The following CTNNA2 variants were observed in gnomAD, a reference collection of about 807,000 sequenced individuals.
CTNNA2 encodes the protein catenin alpha-2.
Under a neutral mutation model 101.0 loss-of-function variants are expected in CTNNA2, and 42 were observed. The ratio of observed to expected loss-of-function variants is 0.42; its 90% CI spans 0.32 to 0.54. CTNNA2 has a LOEUF of 0.54. Ranked by LOEUF, CTNNA2 falls within the 20% of genes least tolerant of loss-of-function variation. The pLI, the probability that CTNNA2 is intolerant of heterozygous loss-of-function variation, is 0.14. For missense variants in CTNNA2, 871 were observed against 1,223.1 expected (o/e 0.71, Z 4.29); for synonymous variants, 450 against 456.4 (o/e 0.99, Z 0.18).
chr2:80,079,461 T>C (rs1011036258), intron 7 of CTNNA2, among the ~76,000 whole-genome samples: 11 of 152,098 alleles, frequency 7.2e-5, no homozygotes, highest in Admixed American at 5.2e-4. Context: ...GTGCTGGGAA[T>C]ACCAAGAAGA....
chr2:79,319,424 A>C (rs1558623913), intron 3 of CTNNA2, among the ~76,000 whole-genome samples: 1 of 152,056 alleles, frequency 6.6e-6, no homozygotes, highest in African/African-American at 2.4e-5. Context: ...ATATTTCTTC[A>C]CCTTTCTTTT....
chr2:79,981,197 G>C (rs1048025522), intron 7 of CTNNA2, among the ~76,000 whole-genome samples: 2 of 151,948 alleles, frequency 1.3e-5, no homozygotes, highest in African/African-American at 4.8e-5. Flanking sequence ...GTAAACAGAG[G>C]GGAAAAAACA....
intron 4 of CTNNA2, among the ~76,000 whole-genome samples, chr2:79,418,631 T>C (rs1303810719): frequency 6.6e-6 from 1 of 152,124 alleles, no homozygotes; most frequent in Non-Finnish European, 1.5e-5. Context: ...ACTCTCAGCA[T>C]CAGTATCTTT....
At chr2:79,215,396 T>A (rs1049845061) in intron 2 of CTNNA2, among the ~76,000 whole-genome samples, 1 of 152,212 alleles carries the variant, frequency 6.6e-6, no homozygotes, top group South Asian at 2.1e-4. Flanking sequence ...GGCAAAGAAT[T>A]GCAACTGAGA....
intron 2 of CTNNA2, among the ~76,000 whole-genome samples, chr2:79,251,600 C>T (rs913075224): frequency 6.6e-6 from 1 of 152,180 alleles, no homozygotes; most frequent in African/African-American, 2.4e-5. Flanking sequence ...TCCTCACTCT[C>T]GGGGAAGCCA....
At chr2:80,471,408 T>C (rs902811009) in intron 9 of CTNNA2, among the ~76,000 whole-genome samples, 1 of 152,216 alleles carries the variant, frequency 6.6e-6, no homozygotes, top group African/African-American at 2.4e-5. Context: ...TATTATCCAA[T>C]ATATGGTTAT....
intron 7 of CTNNA2, among the ~76,000 whole-genome samples, chr2:79,989,755 C>T (rs1692036799): frequency 6.6e-6 from 1 of 152,142 alleles, no homozygotes; most frequent in Non-Finnish European, 1.5e-5. Flanking sequence ...TTCTTTGTTT[C>T]TTTTAGTTTT....
At chr2:79,770,613 A>G (rs1673503558) in intron 3 of CTNNA2, among the ~76,000 whole-genome samples, 1 of 152,248 alleles carries the variant, frequency 6.6e-6, no homozygotes, top group Non-Finnish European at 1.5e-5. Context: ...AGTATTTAAC[A>G]TTTGCAAAAT....
At chr2:79,457,262 A>G (rs1162345051) in intron 4 of CTNNA2, among the ~76,000 whole-genome samples, 4 of 152,110 alleles carry the variant, frequency 2.6e-5, no homozygotes, top group African/African-American at 9.7e-5. Context: ...ATATTTTGGA[A>G]TAACAAATTT....
At chr2:79,531,679 G>C (rs1452489905) in intron 1 of CTNNA2, among the ~76,000 whole-genome samples, 3 of 151,504 alleles carry the variant, frequency 2.0e-5, no homozygotes, top group African/African-American at 7.3e-5. Context: ...AATTATGTTA[G>C]TAAATTTTTT....
intron 7 of CTNNA2, among the ~76,000 whole-genome samples, chr2:80,085,127 C>T (rs1699363268): frequency 6.6e-6 from 1 of 152,002 alleles, no homozygotes; most frequent in Non-Finnish European, 1.5e-5. Flanking sequence ...TTAAGGTGAA[C>T]CAAAATCTTT....
chr2:80,505,067 A>C (rs1235776556), intron 9 of CTNNA2, among the ~76,000 whole-genome samples: 3 of 152,184 alleles, frequency 2.0e-5, no homozygotes, highest in African/African-American at 7.2e-5. Flanking sequence ...ATGGCTAAGC[A>C]GAAGATTAAG....
rs567605793 is a variant in CTNNA2, at chr2:79,825,097, G to A, written c.299-32916G>A. ...CTATCTACTTAGGAGGCTGAGATGGGAAGAACGCTTGAGCCCAGGAGTTCA... is the reference window on the plus strand; with the variant it reads ...CTATCTACTTAGGAGGCTGAGATGGAAAGAACGCTTGAGCCCAGGAGTTCA... On this transcript the variant is annotated intron_variant, in intron 3 of 18. Coordinates refer to ENST00000402739, the MANE Select transcript of CTNNA2 (RefSeq NM_001282597.3). Among the ~76,000 whole-genome samples the A allele has an allele frequency of 3.9e-5, 6 of 152,274 alleles. No homozygotes were observed. In the East Asian group the frequency reaches 1.2e-3, roughly 29 times the overall value.
intron 9 of CTNNA2, among the ~76,000 whole-genome samples, chr2:80,432,555 C>T (rs964069960): frequency 2.6e-5 from 4 of 152,154 alleles, no homozygotes; most frequent in African/African-American, 4.8e-5. Context: ...CACATAATAC[C>T]GGTGGCCACC....
At chr2:80,423,202 G>GT (rs1680689841) in intron 9 of CTNNA2, among the ~76,000 whole-genome samples, 2 of 151,300 alleles carry the variant, frequency 1.3e-5, no homozygotes, top group Non-Finnish European at 2.9e-5. Context: ...AGTTCTTTTT[G>GT]GTTTTTTCCT....
intron 4 of CTNNA2, among the ~76,000 whole-genome samples, chr2:79,469,421 C>A (rs182936533): frequency 6.6e-6 from 1 of 152,070 alleles, no homozygotes; most frequent in Non-Finnish European, 1.5e-5. Flanking sequence ...CAGGACCAGA[C>A]GGATTCACAG....
chr2:80,157,560 G>A (rs907234667), intron 7 of CTNNA2, among the ~76,000 whole-genome samples: 9 of 152,080 alleles, frequency 5.9e-5, no homozygotes, highest in Admixed American at 1.3e-4. Context: ...TATCAAAACC[G>A]TATCAAGTGG....
intron 2 of CTNNA2, among the ~76,000 whole-genome samples, chr2:79,226,009 AC>A (rs1674404125): frequency 6.6e-6 from 1 of 152,148 alleles, no homozygotes; most frequent in Non-Finnish European, 1.5e-5. Context: ...CTAGTTGAGG[AC>A]TTGCCCTATG....
At chr2:80,496,395 C>CTTTTT (rs34221173) in intron 9 of CTNNA2, among the ~76,000 whole-genome samples, 6 of 131,734 alleles carry the variant, frequency 4.6e-5, no homozygotes, top group Non-Finnish European at 4.9e-5. Context: ...TCTTCACTGT[C>CTTTTT]TTTTTTTTTT....
Sources: gnomAD v4.1 joint callset for allele counts (sites outside exome capture counted in the v4.1 genomes callset) on GRCh38, gnomAD v4.1.1 for gene constraint, MANE v1.5 for transcripts, NCBI Gene and HGNC (gene_info 2026-07-23, HGNC 2026-07-21) for gene names.